The following RNF6 variants were observed in gnomAD, a reference collection of about 807,000 sequenced individuals.
The protein encoded by RNF6 is ring finger protein 6.
A neutral mutation model predicts 50.1 loss-of-function variants in RNF6; 21 were observed. That is an observed-to-expected ratio of 0.42 (90% confidence interval 0.30 to 0.60). RNF6 has a LOEUF of 0.60. Among genes scored for constraint, RNF6 ranks in the 20% least tolerant of loss-of-function variants. RNF6 has a pLI of 0.20. For synonymous variants in RNF6, 255 were observed against 291.8 expected, an observed-to-expected ratio of 0.87 and a Z score of 1.29; for missense variants, 698 against 838.2, an observed-to-expected ratio of 0.83 and a Z score of 2.07.
In RNF6 at chr13:26,145,451, G is replaced by C. The variant is rs573333161; in HGVS notation, n.769-13000C>G. On this transcript the variant is annotated intron_variant and non_coding_transcript_variant, in intron 5 of 5. Transcript: ENST00000468480. ...GTAGGAGGTGACTGAATCATGGGGA[G>C]GGGGGGGGACTTCCCCCTTACTGTT... is the stretch of plus-strand genomic sequence containing the variant. Among the ~76,000 whole-genome samples, 26 of 14,768 alleles carry C rather than the reference G, an allele frequency of 1.8e-3. 2 individuals are homozygous for C. The highest frequency in any genetic ancestry group is 8.8e-3 in the Admixed American group (15 of 1,698). 9.7% of individuals were successfully genotyped at this position (14,768 alleles called of 152,430 possible).
intron 5 of RNF6, among the ~76,000 whole-genome samples, chr13:26,167,055 G>A (rs117040005): frequency 0.011 from 1,708 of 152,240 alleles, 25 homozygotes; most frequent in Non-Finnish European, 0.013. Flanking sequence ...ACATGCTAAC[G>A]CAATGGGTTA....
intron 5 of RNF6, among the ~76,000 whole-genome samples, chr13:26,179,895 G>A (rs868225733): frequency 6.6e-6 from 1 of 152,222 alleles, no homozygotes; most frequent in African/African-American, 2.4e-5. Context: ...CTGGCCTGAA[G>A]CAGAGTCTAG....
chr13:26,191,695 G>A (rs1355080194), intron 5 of RNF6, among the ~76,000 whole-genome samples: 1 of 152,114 alleles, frequency 6.6e-6, no homozygotes, highest in African/African-American at 2.4e-5. Context: ...GTTTCCTGAG[G>A]CCTCCCCAGC....
At chr13:26,145,647 A>G (rs1379178310) in intron 5 of RNF6, among the ~76,000 whole-genome samples, 1 of 152,216 alleles carries the variant, frequency 6.6e-6, no homozygotes, top group Non-Finnish European at 1.5e-5. Context: ...AAACCTGTAC[A>G]GCTTGCAGAA....
At chr13:26,184,955 T>C (rs1873448129) in intron 5 of RNF6, among the ~76,000 whole-genome samples, 1 of 152,000 alleles carries the variant, frequency 6.6e-6, no homozygotes, top group South Asian at 2.1e-4. Context: ...TGCAGGAAAT[T>C]ATTTTAGAAC....
At chr13:26,144,269 G>GA (rs964159719) in intron 5 of RNF6, among the ~76,000 whole-genome samples, 6 of 151,540 alleles carry the variant, frequency 4.0e-5, no homozygotes, top group East Asian at 1.9e-4. Context: ...GGGTGGCTGG[G>GA]AAAAAAAAGG....
chr13:26,187,544 G>T (rs890161640), intron 5 of RNF6, among the ~76,000 whole-genome samples: 51 of 152,128 alleles, frequency 3.4e-4, no homozygotes, highest in African/African-American at 1.2e-3. Context: ...TTCTTCCTGC[G>T]GTCCCCTCCC....
intron 5 of RNF6, among the ~76,000 whole-genome samples, chr13:26,184,019 T>TATATATATATATATATA (rs1491321211): frequency 9.8e-5 from 2 of 20,340 alleles, no homozygotes; most frequent in African/African-American, 3.3e-4. Context: ...TATATATATA[T>TATATATATATATATATA]TTTTTTTTTT....
intron 5 of RNF6, among the ~76,000 whole-genome samples, chr13:26,184,597 C>A (rs1458450451): frequency 6.6e-6 from 1 of 152,084 alleles, no homozygotes; most frequent in Admixed American, 6.6e-5. Flanking sequence ...TAATTGTTTC[C>A]CCTTTATTGA....
intron 5 of RNF6, among the ~76,000 whole-genome samples, chr13:26,186,921 G>T (rs1873577543): frequency 6.6e-6 from 1 of 152,284 alleles, no homozygotes; most frequent in Non-Finnish European, 1.5e-5. Context: ...GGGACTACAG[G>T]CGCCCGCCAC....
At chr13:26,182,160 A>C (rs1044475722) in intron 5 of RNF6, among the ~76,000 whole-genome samples, 2 of 152,234 alleles carry the variant, frequency 1.3e-5, no homozygotes, top group African/African-American at 4.8e-5. Flanking sequence ...AAAATACTTT[A>C]ATGATTAACA....
chr13:26,156,154 G>A (rs1021639230), intron 5 of RNF6, among the ~76,000 whole-genome samples: 1 of 152,104 alleles, frequency 6.6e-6, no homozygotes, highest in Non-Finnish European at 1.5e-5. Context: ...CAGATAAATG[G>A]CTATCCAAAT....
chr13:26,203,514 C>G (rs1047925717), intron 5 of RNF6, among the ~76,000 whole-genome samples: 1 of 152,240 alleles, frequency 6.6e-6, no homozygotes, highest in African/African-American at 2.4e-5. Context: ...TGAGAGCCTC[C>G]AGTTGTCACA....
chr13:26,181,764 T>C lies in RNF6; in HGVS notation n.768+33710A>G, dbSNP rs755177194. ...TGCTTTTCTATGCAACCATCTTCAG[T>C]TTTTGTGCTCCAGTGGGATGCTACA... On this transcript the variant is annotated intron_variant and non_coding_transcript_variant, in intron 5 of 5. Transcript: ENST00000468480. Among the ~76,000 whole-genome samples the C allele has an allele frequency of 3.9e-5, 6 of 152,170 alleles. No individual in the cohort carries two copies. In the South Asian group the frequency reaches 1.2e-3, roughly 32 times the overall value.
intron 5 of RNF6, among the ~76,000 whole-genome samples, chr13:26,170,694 C>G (rs1200226363): frequency 6.6e-6 from 1 of 152,160 alleles, no homozygotes; most frequent in African/African-American, 2.4e-5. Flanking sequence ...CTAGCTCACA[C>G]ACTAAGTACC....
chr13:26,196,272 T>C (rs573415259), intron 5 of RNF6, among the ~76,000 whole-genome samples: 1 of 152,168 alleles, frequency 6.6e-6, no homozygotes, highest in South Asian at 2.1e-4. Flanking sequence ...ATAAAATCAT[T>C]AAAATGCTGA....
intron 5 of RNF6, among the ~76,000 whole-genome samples, chr13:26,183,071 C>A (rs1593172427): frequency 6.6e-6 from 1 of 152,290 alleles, no homozygotes; most frequent in East Asian, 1.9e-4. Context: ...GCCTTTCCCC[C>A]AGTTTAGCCT....
intron 5 of RNF6, among the ~76,000 whole-genome samples, chr13:26,144,558 G>T (rs1467707972): frequency 6.6e-6 from 1 of 152,154 alleles, no homozygotes; most frequent in Admixed American, 6.5e-5. Flanking sequence ...TCCAAGCAAT[G>T]TAAACAACCA....
intron 5 of RNF6, among the ~76,000 whole-genome samples, chr13:26,185,700 C>T (rs978077999): frequency 1.3e-5 from 2 of 152,110 alleles, no homozygotes; most frequent in Non-Finnish European, 2.9e-5. Flanking sequence ...GAGCCGAGAT[C>T]GTGCCACTGC....
Sources: allele counts gnomAD v4.1 joint callset (sites outside exome capture counted in the v4.1 genomes callset), GRCh38; gene constraint gnomAD v4.1.1; transcripts MANE v1.5; gene names NCBI Gene and HGNC (gene_info 2026-07-23, HGNC 2026-07-21).